Variants in PRDM15 observed in about 807,000 individuals in gnomAD.
PRDM15 encodes PR domain zinc finger protein 15.
PRDM15 carries 64 observed loss-of-function variants against 128.6 expected under a neutral mutation model. The observed-to-expected ratio is 0.50, with a 90% CI of 0.41 to 0.61. The LOEUF (loss-of-function observed/expected upper bound fraction) is 0.61. Among genes scored for constraint, PRDM15 ranks in the 20% least tolerant of loss-of-function variants. The pLI, the probability that PRDM15 is intolerant of heterozygous loss-of-function variation, is 0.00. For missense variants in PRDM15, 1,242 were observed against 1,569.1 expected, an observed-to-expected ratio of 0.79 and a Z score of 3.52; for synonymous variants, 615 against 621.8, an observed-to-expected ratio of 0.99 and a Z score of 0.16.
intron 17 of PRDM15, 189 bp downstream of exon 17, chr21:41,819,906 G>A: frequency 2.6e-6 from 2 of 764,972 alleles, no homozygotes; most frequent in Non-Finnish European, 4.2e-6. Context: ...GGAGGGGTGA[G>A]GGGGCTGGGG....
At chr21:41,855,896 T>C (rs550405235) in intron 4 of PRDM15, among the ~76,000 whole-genome samples, 14 of 99,558 alleles carry the variant, frequency 1.4e-4, no homozygotes, top group East Asian at 2.6e-4. Context: ...TTTCTTTCCT[T>C]CCTTCCTTCC....
At chr21:41,802,349 T>C (rs574263631) in intron 23 of PRDM15, among the ~76,000 whole-genome samples, 1 of 152,300 alleles carries the variant, frequency 6.6e-6, no homozygotes, top group African/African-American at 2.4e-5. Flanking sequence ...ATCCTTGCTC[T>C]CCGGCTAGTC....
At chr21:41,809,746 T>G (rs892804883) in intron 21 of PRDM15, among the ~76,000 whole-genome samples, 3 of 152,176 alleles carry the variant, frequency 2.0e-5, no homozygotes, top group Admixed American at 1.3e-4. Flanking sequence ...GAGCAGGCTT[T>G]CAGAGCAGTT....
intron 21 of PRDM15, among the ~76,000 whole-genome samples, chr21:41,805,750 C>T (rs1431397962): frequency 6.6e-6 from 1 of 150,892 alleles, no homozygotes; most frequent in Non-Finnish European, 1.5e-5. Context: ...ATCATTACCA[C>T]CTCTATCATC....
chr21:41,860,468 GAT>G, intron 1 of PRDM15, 96 bp from the exon 2 acceptor site: 1 of 1,051,022 alleles, frequency 9.5e-7, no homozygotes, highest in Non-Finnish European at 1.5e-6. Flanking sequence ...GCCCAGGATA[GAT>G]AGAGTACAGT....
At chr21:41,834,570 G>C (rs975933835) in intron 11 of PRDM15, 1 of 1,547,550 alleles carries the variant, frequency 6.5e-7, no homozygotes, top group African/African-American at 1.4e-5. Context: ...GAGTCCTAGA[G>C]AGAGGGGGAC....
At chr21:41,819,194 G>A (rs768176500) in intron 18 of PRDM15, among the ~76,000 whole-genome samples, 7 of 152,200 alleles carry the variant, frequency 4.6e-5, no homozygotes, top group Non-Finnish European at 8.8e-5. Context: ...AGCGACTGAA[G>A]CCTATGGGCT....
intron 22 of PRDM15, among the ~76,000 whole-genome samples, chr21:41,804,244 G>A (rs146153440): frequency 2.7e-4 from 41 of 152,330 alleles, no homozygotes; most frequent in African/African-American, 8.7e-4. Flanking sequence ...GATTACAGGC[G>A]TGAGCCACCG....
chr21:41,852,487 C>A (rs940692068), intron 5 of PRDM15, among the ~76,000 whole-genome samples: 1 of 152,256 alleles, frequency 6.6e-6, no homozygotes, highest in Non-Finnish European at 1.5e-5. Flanking sequence ...TGTGCTGGGC[C>A]AGGCCAGGCA....
At chr21:41,805,413 A>C (rs967150934) in intron 21 of PRDM15, among the ~76,000 whole-genome samples, 11 of 152,208 alleles carry the variant, frequency 7.2e-5, no homozygotes, top group African/African-American at 2.4e-4. Context: ...CTGATCAACT[A>C]AAGGAAGTTA....
At chr21:41,831,091 T>A (rs1294624269) in intron 11 of PRDM15, among the ~76,000 whole-genome samples, 1 of 152,258 alleles carries the variant, frequency 6.6e-6, no homozygotes, top group Non-Finnish European at 1.5e-5. Flanking sequence ...CAGACTGCAC[T>A]TCTGGGCCCC....
intron 5 of PRDM15, among the ~76,000 whole-genome samples, chr21:41,848,564 C>T (rs2146727927): frequency 6.6e-6 from 1 of 152,342 alleles, no homozygotes; most frequent in East Asian, 1.9e-4. Context: ...CCATTTCCCA[C>T]TCACCTTCCC....
At chr21:41,836,312 C>T (rs2062889143) in intron 9 of PRDM15, 105 bp from the exon 10 acceptor site, 7 of 1,308,828 alleles carry the variant, frequency 5.3e-6, no homozygotes, top group Non-Finnish European at 7.5e-6. Flanking sequence ...TCCCACCATG[C>T]GAAGGAGCTG....
chr21:41,856,612 T>C (rs2063643106), intron 4 of PRDM15, among the ~76,000 whole-genome samples: 2 of 152,170 alleles, frequency 1.3e-5, no homozygotes, highest in African/African-American at 2.4e-5. Context: ...AGAGGGCTCA[T>C]TTTTTACTTA....
chr21:41,857,411 C>T, intron 3 of PRDM15, 82 bp from the exon 4 acceptor site: 1 of 1,431,976 alleles, frequency 7.0e-7, no homozygotes, highest in Admixed American at 1.9e-5. Context: ...AAAGCTCGCC[C>T]TCACTGACCG....
chr21:41,848,610 G>C (rs918505943), intron 5 of PRDM15, among the ~76,000 whole-genome samples: 9 of 152,138 alleles, frequency 5.9e-5, no homozygotes. Context: ...AAAAACACTC[G>C]CATGTGAGTT....
chr21:41,829,810 C>G (rs1240682657), intron 11 of PRDM15, among the ~76,000 whole-genome samples: 2 of 151,116 alleles, frequency 1.3e-5, no homozygotes, highest in Non-Finnish European at 3.0e-5. Context: ...TCAACATACA[C>G]CACACACACC....
intron 21 of PRDM15, among the ~76,000 whole-genome samples, chr21:41,809,195 C>T (rs186303936): frequency 1.3e-5 from 2 of 150,588 alleles, no homozygotes; most frequent in Admixed American, 1.3e-4. Flanking sequence ...TTAACAGGCT[C>T]TATCTGTCTA....
chr21:41,806,738 TACCACCACCATCACCACC>T (rs1274174506), intron 21 of PRDM15, among the ~76,000 whole-genome samples: 5 of 73,774 alleles, frequency 6.8e-5, no homozygotes, highest in African/African-American at 1.7e-4. Flanking sequence ...ACCATCACCA[TACCACCACCATCACCACC>T]GCCACCACCA....
Sources: allele counts gnomAD v4.1 joint callset (sites outside exome capture counted in the v4.1 genomes callset), GRCh38; gene constraint gnomAD v4.1.1; transcripts MANE v1.5; gene names NCBI Gene and HGNC (gene_info 2026-07-23, HGNC 2026-07-21).